Variants in RETNLB observed in about 807,000 individuals in gnomAD.
The protein encoded by RETNLB is resistin like beta.
A neutral mutation model predicts 6.8 loss-of-function variants in RETNLB; 11 were observed. The ratio of observed to expected loss-of-function variants is 1.62; its 90% confidence interval spans 1.02 to 2.68. The LOEUF (loss-of-function observed/expected upper bound fraction) is 2.68. RETNLB is among the 30% of genes most tolerant of loss of function. RETNLB has a pLI of 0.00. For synonymous variants in RETNLB, 57 were observed against 54.2 expected (o/e 1.05, Z -0.23); for missense variants, 146 against 135.7 (o/e 1.08, Z -0.38).
Position 108,755,762 on chromosome 3 carries a change from C to T in RETNLB, c.*16G>A. 1 of 1,612,164 alleles carries T rather than the reference C, an allele frequency of 6.2e-7. No individual in the cohort carries two copies. The highest frequency in any genetic ancestry group is 8.5e-7 in the Non-Finnish European group (1 of 1,178,446). On this transcript the variant is annotated 3_prime_UTR_variant, in exon 3 of 3. Coordinates refer to ENST00000295755, the MANE Select transcript of RETNLB (RefSeq NM_032579.3). ...ACTGTCATGGTCACAAAACTGAGTT[C>T]TCAGCCTCCTCCCTGTCAGGTCAGG...
Position 108,756,839 on chromosome 3 carries a change from C to T in RETNLB, c.127+220G>A, listed in dbSNP as rs1945253655. ...TTATACCTGGTTCATAATGAGTGTT[C>T]ATAAATTACAGCTACCATTCTCCTC... On this transcript the variant is annotated intron_variant, in intron 1 of 2. Transcript: ENST00000295755. 1.0e-5 allele frequency: 6 copies of T among 599,714 alleles called. No homozygotes were observed. The East Asian group carries it at 1.7e-4, about 17-fold the overall frequency. The allele number at this position is 599,714 out of a possible 1,614,324, so 37.1% of individuals were successfully genotyped here. A position where few individuals can be genotyped will look rare whatever the true frequency, so the allele number is the denominator to read the frequency against.
At chr3:108,757,031 C>T (rs1474529679) in intron 1 of RETNLB, 28 bp downstream of exon 1, 4 of 1,605,428 alleles carry the variant, frequency 2.5e-6, no homozygotes, top group Admixed American at 3.4e-5. Flanking sequence ...AGGGTCAACC[C>T]CCCGCTTCCC....
In RETNLB at chr3:108,756,501, TACTC is replaced by T. The variant is rs745621129; in HGVS notation, c.208+3_208+6del. On this transcript the variant is annotated splice_donor_5th_base_variant and intron_variant, in intron 2 of 2. Transcript: ENST00000295755. ...TAGTCGCCATTCCCTCTCAGGGAGTTACTCACCAGCAGGGCAGGAGGACGGTCTG... is the reference window on the plus strand; with the variant it reads ...TAGTCGCCATTCCCTCTCAGGGAGTTACCAGCAGGGCAGGAGGACGGTCTG... 4.4e-6 allele frequency: 7 copies of T among 1,592,352 alleles called. No homozygotes were observed. In the South Asian group the frequency reaches 7.7e-5, roughly 18 times the overall value.
Position 108,757,348 on chromosome 3 carries a change from G to C in RETNLB, c.-163C>G. 1.5e-6 allele frequency: 1 copy of C among 659,922 alleles called. No homozygotes were observed. Among genetic ancestry groups the C allele is most frequent in the South Asian group, 3.8e-5 (1 of 26,074 alleles). The allele number at this position is 659,922 out of a possible 1,614,324, so 40.9% of individuals were successfully genotyped here. A position where few individuals can be genotyped will look rare whatever the true frequency, so the allele number is the denominator to read the frequency against. On this transcript the variant is annotated 5_prime_UTR_variant, in exon 1 of 3. Coordinates refer to ENST00000295755, the MANE Select transcript of RETNLB (RefSeq NM_032579.3). ...AGTACTGGATCTCTTTAGGCAGTTT[G>C]GAGAAGCAGGTAGGGTTGCTGAAGA... is the stretch of plus-strand genomic sequence containing the variant.
At position 108,755,791 on chromosome 3, in the gene RETNLB, C is replaced by T; in HGVS notation, c.323G>A (p.Cys108Tyr). Residue 108 changes from cysteine (C) to tyrosine (Y), a missense_variant, in exon 3 of 3, where the codon TGC becomes TAC. Coordinates refer to ENST00000295755, the MANE Select transcript of RETNLB (RefSeq NM_032579.3). ...GCCTCCTCCCTGTCAGGTCAGGTGG[C>T]AGCAGCGGGCAGTGGTCCAGTCCAC... is the stretch of plus-strand genomic sequence containing the variant. ...SVVDWTTARCCHLT is the reference protein window; with the variant it reads ...SVVDWTTARCYHLT 5 of 1,613,982 alleles carry T rather than the reference C, an allele frequency of 3.1e-6. No homozygotes were observed.
At chr3:108,756,010 G>C in intron 2 of RETNLB, 105 bp from the exon 3 acceptor site, 1 of 1,276,400 alleles carries the variant, frequency 7.8e-7, no homozygotes. Flanking sequence ...GGTAGAGCTA[G>C]GTTTCGTGGG....
rs1255685904 is a variant in RETNLB at position 108,757,114 on chromosome 3, C to T, written c.72G>A (p.Gln24=). The T allele has an allele frequency of 6.2e-7, 1 of 1,613,754 alleles. No homozygotes were observed. The highest frequency in any genetic ancestry group is 8.5e-7 in the Non-Finnish European group (1 of 1,179,932). Residue 24 remains glutamine (Q), a synonymous_variant, in exon 1 of 3, where the codon CAG becomes CAA. Transcript: ENST00000295755. ...LLQLINPGST[Q]CSLDSVMDKK... ...TATCCATAACGGAGTCTAAGGAACACTGAGTACTCCCCGGGTTGATCAGCT... is the reference window on the plus strand; with the variant it reads ...TATCCATAACGGAGTCTAAGGAACATTGAGTACTCCCCGGGTTGATCAGCT...
At chr3:108,756,987 C>A in intron 1 of RETNLB, 72 bp downstream of exon 1, 1 of 1,542,750 alleles carries the variant, frequency 6.5e-7, no homozygotes, top group Non-Finnish European at 8.8e-7. Flanking sequence ...GGGATAGAGA[C>A]AAAGCTAGAG....
At chr3:108,756,705 C>T (rs1472688353) in intron 1 of RETNLB, 117 bp from the exon 2 acceptor site, 9 of 736,278 alleles carry the variant, frequency 1.2e-5, no homozygotes, top group African/African-American at 1.7e-5. Context: ...TCAGCCTACT[C>T]ATCAGCTTTT....
chr3:108,755,994 G>A, intron 2 of RETNLB, 89 bp from the exon 3 acceptor site: 1 of 1,517,606 alleles, frequency 6.6e-7, no homozygotes, highest in Non-Finnish European at 9.1e-7. Flanking sequence ...ACCCTGTGCA[G>A]TCAGGGGTAG....
chr3:108,756,666 C>G, intron 1 of RETNLB, 78 bp from the exon 2 acceptor site: 1 of 1,060,044 alleles, frequency 9.4e-7, no homozygotes, highest in Non-Finnish European at 1.5e-6. Context: ...AAATTGTCTT[C>G]TACCTTGGAG....
rs1303889132 is a variant in RETNLB at position 108,757,378 on chromosome 3, A to G, written c.-193T>C. 8.0e-6 allele frequency: 4 copies of G among 498,420 alleles called. No homozygotes were observed. The highest frequency in any genetic ancestry group is 1.0e-5 in the Non-Finnish European group (3 of 294,676). The allele number at this position is 498,420 out of a possible 1,614,324, so 30.9% of individuals were successfully genotyped here. A position where few individuals can be genotyped will look rare whatever the true frequency, so the allele number is the denominator to read the frequency against. On this transcript the variant is annotated 5_prime_UTR_variant, in exon 1 of 3. Transcript: ENST00000295755. ...AGCAGGTAGGGTTGCTGAAGAACAG[A>G]TTTATTCACCAAAACATTCAGAGAA... is the stretch of plus-strand genomic sequence containing the variant.
In RETNLB at chr3:108,755,699, T is replaced by G; in HGVS notation, c.*79A>C. The stretch of plus-strand genomic sequence containing the variant: ...GGAATGGAACAAATGAAGTGGGACG[T>G]TTGAGTTAGATTTCTTGGTTGGGAC... On this transcript the variant is annotated 3_prime_UTR_variant, in exon 3 of 3. Transcript: ENST00000295755. 6.7e-7 allele frequency: 1 copy of G among 1,500,640 alleles called. No homozygotes were observed. The highest frequency in any genetic ancestry group is 9.2e-7 in the Non-Finnish European group (1 of 1,087,572). The allele number at this position is 1,500,640 out of a possible 1,614,324, so 93.0% of individuals were successfully genotyped here. A position where few individuals can be genotyped will look rare whatever the true frequency, so the allele number is the denominator to read the frequency against.
Position 108,757,077 on chromosome 3 carries a change from C to A in RETNLB, c.109G>T (p.Asp37Tyr). 1 of 1,613,750 alleles carries A rather than the reference C, an allele frequency of 6.2e-7. No homozygotes were observed. Among genetic ancestry groups the A allele is most frequent in the Non-Finnish European group, 8.5e-7 (1 of 1,179,826 alleles). The change falls in exon 1 of 3, where the codon GAT (aspartate) becomes TAT (tyrosine). Residue 37 changes from aspartate to tyrosine, a missense_variant. Asp to Tyr is a radical substitution (Grantham distance 160, BLOSUM62 -3). Coordinates refer to ENST00000295755, the MANE Select transcript of RETNLB (RefSeq NM_032579.3). ...CAGTTACCTAGACTGTTGAGAACAT[C>A]CTTGATCTTCTTATCCATAACGGAG... ...LDSVMDKKIK[D>Y]VLNSLEYSPS...
chr3:108,757,246 A>T lies in RETNLB; in HGVS notation c.-61T>A. 1 of 1,559,288 alleles carries T rather than the reference A, an allele frequency of 6.4e-7. No individual in the cohort carries two copies. The highest frequency in any genetic ancestry group is 8.7e-7 in the Non-Finnish European group (1 of 1,151,548). ...AGATGGAAAGCAGCTTAGATCTCTGAGCTCCTGGGTGGTGGTGAAGGAAAG... is the reference window on the plus strand; with the variant it reads ...AGATGGAAAGCAGCTTAGATCTCTGTGCTCCTGGGTGGTGGTGAAGGAAAG... On this transcript the variant is annotated 5_prime_UTR_variant, in exon 1 of 3. Coordinates refer to ENST00000295755, the MANE Select transcript of RETNLB (RefSeq NM_032579.3).
rs367916036 is a variant in RETNLB, at chr3:108,757,409, A to G, written c.-224T>C. 4 of 405,664 alleles carry G rather than the reference A, an allele frequency of 9.9e-6. No homozygotes were observed. Among genetic ancestry groups the G allele is most frequent in the African/African-American group, 8.0e-5 (4 of 50,226 alleles). 25.1% of individuals were successfully genotyped at this position (405,664 alleles called of 1,614,324 possible). A position where few individuals can be genotyped will look rare whatever the true frequency, so the allele number is the denominator to read the frequency against. ...TCACCAAAACATTCAGAGAAGGTCT[A>G]CAAGGACTAGCCAGGCAAGGGCGTT... On this transcript the variant is annotated 5_prime_UTR_variant, in exon 1 of 3. Coordinates refer to ENST00000295755, the MANE Select transcript of RETNLB (RefSeq NM_032579.3).
chr3:108,756,700 C>T (rs1323317317), intron 1 of RETNLB, 112 bp from the exon 2 acceptor site: 2 of 761,988 alleles, frequency 2.6e-6, no homozygotes, highest in African/African-American at 1.7e-5. Flanking sequence ...CAGAATCAGC[C>T]TACTCATCAG....
intron 1 of RETNLB, 191 bp downstream of exon 1, chr3:108,756,868 C>G (rs1945253816): frequency 1.6e-6 from 1 of 634,136 alleles, no homozygotes; most frequent in Non-Finnish European, 2.7e-6. Flanking sequence ...TCTCCTCCAC[C>G]TCTTCCTCCT....
chr3:108,757,346 T>C lies in RETNLB; in HGVS notation c.-161A>G, dbSNP rs1230401772. 2 of 689,304 alleles carry C rather than the reference T, an allele frequency of 2.9e-6. No homozygotes were observed. The highest frequency in any genetic ancestry group is 3.6e-5 in the African/African-American group (2 of 55,942). 42.7% of individuals were successfully genotyped at this position (689,304 alleles called of 1,614,324 possible). On this transcript the variant is annotated 5_prime_UTR_variant, in exon 1 of 3. Coordinates refer to ENST00000295755, the MANE Select transcript of RETNLB (RefSeq NM_032579.3). Reference sequence around the variant, plus strand: ...TCAGTACTGGATCTCTTTAGGCAGTTTGGAGAAGCAGGTAGGGTTGCTGAA... The same window carrying C: ...TCAGTACTGGATCTCTTTAGGCAGTCTGGAGAAGCAGGTAGGGTTGCTGAA...
Sources: allele counts gnomAD v4.1 joint callset, GRCh38; gene constraint gnomAD v4.1.1; transcripts MANE v1.5; gene names NCBI Gene and HGNC (gene_info 2026-07-23, HGNC 2026-07-21).